The following DCC variants were observed in gnomAD, a reference collection of about 807,000 sequenced individuals.
DCC encodes the protein DCC netrin 1 receptor.
A neutral mutation model predicts 172.5 loss-of-function variants in DCC; 58 were observed. The ratio of observed to expected loss-of-function variants is 0.34; its 90% CI spans 0.27 to 0.42. The LOEUF is 0.42. Among genes scored for constraint, DCC ranks in the 10% least tolerant of loss-of-function variants. The probability of loss-of-function intolerance (pLI) is 1.00; values close to 1 mark genes in which losing one functional copy is unlikely to be tolerated. For missense variants in DCC, 1,740 were observed against 1,791.0 expected (o/e 0.97, Z 0.51); for synonymous variants, 709 against 644.5 (o/e 1.10, Z -1.52).
chr18:52,847,651 A>G (rs184074777), intron 2 of DCC, among the ~76,000 whole-genome samples: 2 of 152,278 alleles, frequency 1.3e-5, no homozygotes, highest in East Asian at 1.9e-4. Context: ...AATTGGGTCA[A>G]TTCTTCAATT....
intron 1 of DCC, among the ~76,000 whole-genome samples, chr18:52,579,135 C>T (rs957333379): frequency 6.6e-6 from 1 of 152,170 alleles, no homozygotes. Flanking sequence ...TTGCTCACAT[C>T]CTTAAAATAA....
intron 1 of DCC, among the ~76,000 whole-genome samples, chr18:52,388,968 C>T (rs1014293632): frequency 3.3e-5 from 5 of 152,056 alleles, no homozygotes; most frequent in African/African-American, 4.8e-5. Flanking sequence ...CGTTCAGGAC[C>T]GAGGATAGCC....
At chr18:52,514,008 T>C (rs941125459) in intron 1 of DCC, among the ~76,000 whole-genome samples, 3 of 152,186 alleles carry the variant, frequency 2.0e-5, no homozygotes, top group African/African-American at 7.2e-5. Context: ...GAGTAACTTA[T>C]TACTTCCACA....
At chr18:52,565,984 G>A (rs1200055033) in intron 1 of DCC, among the ~76,000 whole-genome samples, 4 of 152,122 alleles carry the variant, frequency 2.6e-5, no homozygotes, top group Non-Finnish European at 5.9e-5. Context: ...TTATGTTTAA[G>A]TCTTAAATCC....
At chr18:53,429,928 G>T (rs1360559247) in intron 21 of DCC, among the ~76,000 whole-genome samples, 1 of 152,010 alleles carries the variant, frequency 6.6e-6, no homozygotes, top group Non-Finnish European at 1.5e-5. Flanking sequence ...CTACGTGTTG[G>T]TTATGATTTT....
At chr18:52,753,879 A>T (rs10084031) in intron 2 of DCC, among the ~76,000 whole-genome samples, 31,754 of 152,066 alleles carry the variant, frequency 0.21, 4,712 homozygotes, top group African/African-American at 0.42. Context: ...GTTTCTATAA[A>T]GATTTGACCA....
chr18:53,450,780 G>C (rs994218064), intron 23 of DCC, 118 bp downstream of exon 23: 6 of 872,190 alleles, frequency 6.9e-6, no homozygotes, highest in Middle Eastern at 2.2e-4. Flanking sequence ...TCCTAACCCT[G>C]GCAAAACCTT....
chr18:53,449,259 A>G (rs1249251276), intron 22 of DCC, among the ~76,000 whole-genome samples: 3 of 152,234 alleles, frequency 2.0e-5, no homozygotes, highest in African/African-American at 7.2e-5. Context: ...GTAACTTGTA[A>G]TGACAAACAT....
chr18:53,339,853 G>T lies in DCC; in HGVS notation c.2305G>T (p.Ala769Ser). ...IIGYGVGSPY[A>S]ETVRVDSKQR... is the part of the protein sequence containing the mutation. The stretch of plus-strand genomic sequence containing the variant: ...CGGTTATGGCGTTGGGAGCCCTTAC[G>T]CTGAGACAGTGCGTGTGGACAGCAA... The change falls in exon 15 of 29, where the codon GCT (alanine) becomes TCT (serine). Residue 769 changes from alanine to serine, a missense_variant. By Grantham distance (99) the Ala-to-Ser change is moderately conservative (BLOSUM62 1). Transcript: ENST00000442544. 6.2e-7 allele frequency: 1 copy of T among 1,613,914 alleles called. No individual in the cohort carries two copies. Among genetic ancestry groups the T allele is most frequent in the Non-Finnish European group, 8.5e-7 (1 of 1,179,902 alleles).
intron 8 of DCC, among the ~76,000 whole-genome samples, chr18:53,167,710 T>C (rs983284183): frequency 6.6e-6 from 1 of 152,210 alleles, no homozygotes; most frequent in Non-Finnish European, 1.5e-5. Context: ...CTTCTCTTTT[T>C]AAATAATTTA....
At chr18:53,285,116 A>C (rs1042660163) in intron 12 of DCC, among the ~76,000 whole-genome samples, 2 of 152,178 alleles carry the variant, frequency 1.3e-5, no homozygotes, top group African/African-American at 4.8e-5. Context: ...GATGGAAAAA[A>C]AAATCCGATT....
At chr18:53,175,534 C>T (rs374305566) in intron 8 of DCC, among the ~76,000 whole-genome samples, 1 of 148,942 alleles carries the variant, frequency 6.7e-6, no homozygotes, top group South Asian at 2.2e-4. Flanking sequence ...ACACCAACAA[C>T]AGACAAACAG....
In DCC at chr18:53,228,368, T is replaced by C. The variant is rs75891090; in HGVS notation, c.1911+12771T>C. On this transcript the variant is annotated intron_variant, in intron 12 of 28. Transcript: ENST00000442544. ...ATTTCCGTTACAATCTTGGATTATTTCTTTCATTAATTAGTTTGTTTGTTT... is the reference window on the plus strand; with the variant it reads ...ATTTCCGTTACAATCTTGGATTATTCCTTTCATTAATTAGTTTGTTTGTTT... Among the ~76,000 whole-genome samples, 258 of 152,328 alleles carry C rather than the reference T, an allele frequency of 1.7e-3. 7 individuals are homozygous for C. The East Asian group carries it at 0.045, about 27-fold the overall frequency.
At chr18:53,525,736 A>T (rs2046447769) in intron 27 of DCC, among the ~76,000 whole-genome samples, 1 of 152,084 alleles carries the variant, frequency 6.6e-6, no homozygotes, top group Non-Finnish European at 1.5e-5. Context: ...AGCTCTCGTG[A>T]TAGAAGAGAA....
At chr18:53,245,969 C>T (rs1373841313) in intron 12 of DCC, among the ~76,000 whole-genome samples, 1 of 152,064 alleles carries the variant, frequency 6.6e-6, no homozygotes. Flanking sequence ...GATACCTTCA[C>T]AGGTCTGCCT....
intron 1 of DCC, among the ~76,000 whole-genome samples, chr18:52,680,404 G>A (rs2035727096): frequency 6.6e-6 from 1 of 152,186 alleles, no homozygotes; most frequent in South Asian, 2.1e-4. Context: ...TGTCCATCAT[G>A]CAAAGCACTG....
rs768184841 is a variant in DCC at position 53,496,066 on chromosome 18, AAGAG to A, written c.3899-3228_3899-3225del. Among the ~76,000 whole-genome samples the A allele has an allele frequency of 5.9e-5, 9 of 152,246 alleles. No individual in the cohort carries two copies. In the South Asian group the frequency reaches 1.9e-3, roughly 32 times the overall value. On this transcript the variant is annotated intron_variant, in intron 26 of 28. Transcript: ENST00000442544. ...TAAACGTCCCTGCCTGACAGTTCTGAAGAGAGAAGTGGATTTCTCAGCACAGTGT... is the reference window on the plus strand; with the variant it reads ...TAAACGTCCCTGCCTGACAGTTCTGAAGAAGTGGATTTCTCAGCACAGTGT...
rs556317712 is a variant in DCC, at chr18:53,254,602, A to G, written c.1911+39005A>G. Among the ~76,000 whole-genome samples, 5 of 152,140 alleles carry G rather than the reference A, an allele frequency of 3.3e-5. No homozygotes were observed. The East Asian group carries it at 5.8e-4, about 18-fold the overall frequency. On this transcript the variant is annotated intron_variant, in intron 12 of 28. Transcript: ENST00000442544. ...TTCTTAATCAGGGGTGTGACACTCT[A>G]TAAAAATATACATGCCAAGCCCATC...
At chr18:53,194,438 G>A (rs544498206) in intron 9 of DCC, among the ~76,000 whole-genome samples, 2 of 151,740 alleles carry the variant, frequency 1.3e-5, no homozygotes, top group African/African-American at 4.8e-5. Context: ...AGGTTTGGTG[G>A]TGGTGGTTTT....
Sources: gnomAD v4.1 joint callset for allele counts (sites outside exome capture counted in the v4.1 genomes callset) on GRCh38, gnomAD v4.1.1 for gene constraint, MANE v1.5 for transcripts, NCBI Gene and HGNC (gene_info 2026-07-23, HGNC 2026-07-21) for gene names.